The following PCDHGB1 variants were observed in gnomAD, a reference collection of about 807,000 sequenced individuals.
PCDHGB1 encodes the protein protocadherin gamma-B1.
A neutral mutation model predicts 56.6 loss-of-function variants in PCDHGB1; 34 were observed. The observed-to-expected ratio is 0.60, with a 90% CI of 0.46 to 0.80. PCDHGB1 has a LOEUF of 0.80. PCDHGB1 is among the 30% of genes least tolerant of loss of function. The pLI, the probability that PCDHGB1 is intolerant of heterozygous loss-of-function variation, is 0.00. For missense variants in PCDHGB1, 1,278 were observed against 1,204.6 expected, an observed-to-expected ratio of 1.06 and a Z score of -0.90; for synonymous variants, 561 against 505.9, an observed-to-expected ratio of 1.11 and a Z score of -1.46.
chr5:141,455,133 C>G (rs1172825339), intron 1 of PCDHGB1, among the ~76,000 whole-genome samples: 2 of 151,392 alleles, frequency 1.3e-5, no homozygotes, highest in African/African-American at 4.9e-5. Context: ...TTAAATTACA[C>G]TGTGTTAAAT....
chr5:141,399,908 C>G (rs141997055), intron 1 of PCDHGB1: 2 of 1,612,300 alleles, frequency 1.2e-6, no homozygotes, highest in African/African-American at 1.3e-5. Context: ...GACGCAGACT[C>G]AGGACACAAC....
At chr5:141,501,328 CA>C (rs1446948770) in intron 2 of PCDHGB1, among the ~76,000 whole-genome samples, 83 of 151,828 alleles carry the variant, frequency 5.5e-4, no homozygotes, top group Admixed American at 2.2e-3. Context: ...CACACACACA[CA>C]CACACCCCAA....
In PCDHGB1 at chr5:141,415,715, T is replaced by G. The variant is rs1051923200; in HGVS notation, c.2409+63046T>G. 4 of 1,428,132 alleles carry G rather than the reference T, an allele frequency of 2.8e-6. No individual in the cohort carries two copies. In the African/African-American group the frequency reaches 4.5e-5, roughly 16 times the overall value. The allele number at this position is 1,428,132 out of a possible 1,614,324, so 88.5% of individuals were successfully genotyped here. Reference sequence around the variant, plus strand: ...GAAAGTGTAAATGCTAAAACACTGATGAGTAGAATTTGATGTTTATTAAGG... The same window carrying G: ...GAAAGTGTAAATGCTAAAACACTGAGGAGTAGAATTTGATGTTTATTAAGG... On this transcript the variant is annotated intron_variant, in intron 1 of 3. Transcript: ENST00000523390.
rs1218837884 is a variant in PCDHGB1 at position 141,403,668 on chromosome 5, C to A, written c.2409+50999C>A. On this transcript the variant is annotated intron_variant, in intron 1 of 3. Coordinates refer to ENST00000523390, the MANE Select transcript of PCDHGB1 (RefSeq NM_018922.3). ...ACAGTGTTGGATACAAATGATAATG[C>A]CCCGGTTTTTGCTCAACGGATTTAC... 1.9e-6 allele frequency: 3 copies of A among 1,613,772 alleles called. No individual in the cohort carries two copies. In the African/African-American group the frequency reaches 4.0e-5, roughly 22 times the overall value.
At position 141,490,782 on chromosome 5, in the gene PCDHGB1, ACGGATCTTTGCC is replaced by A; in HGVS notation, c.2410-4023_2410-4012del. 6.2e-7 allele frequency: 1 copy of A among 1,614,054 alleles called. No individual in the cohort carries two copies. Among genetic ancestry groups the A allele is most frequent in the Non-Finnish European group, 8.5e-7 (1 of 1,179,952 alleles). ...TTGTGTATGTCAACCCAGAGGATGGACGGATCTTTGCCCAGCGTACCTTTGACTATGAATTGC... is the reference window on the plus strand; with the variant it reads ...TTGTGTATGTCAACCCAGAGGATGGACAGCGTACCTTTGACTATGAATTGC... On this transcript the variant is annotated intron_variant, in intron 1 of 3. Transcript: ENST00000523390. This position sits in a 1 kb window ranked among gnomAD's most constrained non-coding sequence, Gnocchi z 5.4.
intron 1 of PCDHGB1, chr5:141,361,220 C>G (rs1466381817): frequency 6.2e-7 from 1 of 1,613,950 alleles, no homozygotes; most frequent in African/African-American, 1.3e-5. Flanking sequence ...GATTCGCCAC[C>G]AGGAACAGTG....
At position 141,374,633 on chromosome 5, in the gene PCDHGB1, A is replaced by C. The variant is rs1259564749; in HGVS notation, c.2409+21964A>C. 1.2e-6 allele frequency: 2 copies of C among 1,613,130 alleles called. No individual in the cohort carries two copies. Among genetic ancestry groups the C allele is most frequent in the Non-Finnish European group, 1.7e-6 (2 of 1,179,508 alleles). On this transcript the variant is annotated intron_variant, in intron 1 of 3. Transcript: ENST00000523390. Reference sequence around the variant, plus strand: ...TAGTCACTTCTCAGTGGACGTGCAAAGCGAAGCCCATGGGCCCAAGTACCC... The same window carrying C: ...TAGTCACTTCTCAGTGGACGTGCAACGCGAAGCCCATGGGCCCAAGTACCC...
At chr5:141,440,732 A>C (rs2154559008) in intron 1 of PCDHGB1, 1 of 152,346 alleles carries the variant, frequency 6.6e-6, no homozygotes, top group African/African-American at 2.4e-5. Context: ...GTGTTAGAGA[A>C]GCTGCTTGAC....
At chr5:141,403,588 C>T in intron 1 of PCDHGB1, 1 of 1,613,904 alleles carries the variant, frequency 6.2e-7, no homozygotes, top group South Asian at 1.1e-5. Flanking sequence ...ACCTGGTCCT[C>T]ACGGCCTCGG....
In PCDHGB1 at chr5:141,423,113, C is replaced by G. The variant is rs2096710947; in HGVS notation, c.2409+70444C>G. On this transcript the variant is annotated intron_variant, in intron 1 of 3. Coordinates refer to ENST00000523390, the MANE Select transcript of PCDHGB1 (RefSeq NM_018922.3). The stretch of plus-strand genomic sequence containing the variant: ...GGGGAGCACACGGGCGAGGTGCGTA[C>G]AGCGCGGGCACTGCTGGACAGAGAC... The G allele has an allele frequency of 1.9e-6, 3 of 1,613,702 alleles. No homozygotes were observed. The highest frequency in any genetic ancestry group is 2.5e-6 in the Non-Finnish European group (3 of 1,179,992).
intron 1 of PCDHGB1, among the ~76,000 whole-genome samples, chr5:141,448,751 T>C (rs888567097): frequency 1.3e-5 from 2 of 151,804 alleles, no homozygotes; most frequent in South Asian, 4.2e-4. Context: ...CCATCCTGGC[T>C]AACACGGTGA....
At chr5:141,376,311 T>C (rs376213960) in intron 1 of PCDHGB1, 29 of 1,613,880 alleles carry the variant, frequency 1.8e-5, no homozygotes, top group Non-Finnish European at 2.4e-5. Flanking sequence ...TTTGTGGGCG[T>C]GGAAGGGGTT....
At position 141,489,436 on chromosome 5, in the gene PCDHGB1, T is replaced by C. The variant is rs1002519; in HGVS notation, c.2410-5371T>C. 0.23 allele frequency: 369,130 copies of C among 1,613,832 alleles called. 44,340 individuals are homozygous for C. The highest frequency in any genetic ancestry group is 0.38 in the Admixed American group (23,024 of 60,000). On this transcript the variant is annotated intron_variant, in intron 1 of 3. Transcript: ENST00000523390. The surrounding 1 kb of genome is among the most constrained non-coding windows in gnomAD (Gnocchi z 4.5). ...AGATCTGTTGAGCCGGCGGCTGCAATTGGGCTCTGAGGAGAATGGGCGCTA... is the reference window on the plus strand; with the variant it reads ...AGATCTGTTGAGCCGGCGGCTGCAACTGGGCTCTGAGGAGAATGGGCGCTA...
At chr5:141,376,448 G>T (rs771215693) in intron 1 of PCDHGB1, 1 of 1,614,174 alleles carries the variant, frequency 6.2e-7, no homozygotes, top group Non-Finnish European at 8.5e-7. Flanking sequence ...TGAGAAAAGC[G>T]AGCCTCTTCT....
intron 1 of PCDHGB1, among the ~76,000 whole-genome samples, chr5:141,459,755 G>A (rs1383912891): frequency 2.0e-5 from 3 of 152,182 alleles, no homozygotes; most frequent in African/African-American, 7.2e-5. Flanking sequence ...CAATTCTAGT[G>A]GGTGTGTGAT....
intron 1 of PCDHGB1, chr5:141,415,362 G>A (rs769596449): frequency 4.3e-6 from 7 of 1,614,126 alleles, no homozygotes; most frequent in African/African-American, 1.3e-5. Context: ...CACGCCTGCT[G>A]CAGGCTTCAG....
At chr5:141,455,438 C>G (rs1350941007) in intron 1 of PCDHGB1, among the ~76,000 whole-genome samples, 1 of 152,082 alleles carries the variant, frequency 6.6e-6, no homozygotes, top group Non-Finnish European at 1.5e-5. Context: ...GAGGAGGTCC[C>G]CATCTACCGC....
chr5:141,350,889 C>T lies in PCDHGB1; in HGVS notation c.629C>T (p.Thr210Ile). Residue 210 changes from threonine to isoleucine, a missense_variant, in exon 1 of 4, where the codon ACT (threonine) becomes ATT (isoleucine). Physicochemically the swap from Thr to Ile is moderately conservative, Grantham distance 89. Transcript: ENST00000523390. ...CAGAGCTCTCATCGCTTAATCCTGACTGCCATGGATGGCGGGGACCCGCCT... is the reference window on the plus strand; with the variant it reads ...CAGAGCTCTCATCGCTTAATCCTGATTGCCATGGATGGCGGGGACCCGCCT... ...EHQSSHRLIL[T>I]AMDGGDPPLS... is the part of the protein sequence containing the mutation. 1.2e-6 allele frequency: 2 copies of T among 1,614,074 alleles called. No homozygotes were observed. Among genetic ancestry groups the T allele is most frequent in the Non-Finnish European group, 1.7e-6 (2 of 1,179,910 alleles).
intron 1 of PCDHGB1, chr5:141,418,007 C>T: frequency 6.2e-7 from 1 of 1,613,904 alleles, no homozygotes; most frequent in Non-Finnish European, 8.5e-7. Flanking sequence ...GGTGGGGAAC[C>T]TCGCTAAGGA....
Sources: allele counts gnomAD v4.1 joint callset (sites outside exome capture counted in the v4.1 genomes callset), GRCh38; gene constraint gnomAD v4.1.1; non-coding constraint Gnocchi (gnomAD v3.1); transcripts MANE v1.5; gene names NCBI Gene and HGNC (gene_info 2026-07-23, HGNC 2026-07-21).